SLC9A7: variants seen among roughly 807,000 people sequenced by gnomAD.
The protein encoded by SLC9A7 is sodium/hydrogen exchanger 7.
In SLC9A7, 19 loss-of-function variants were observed where a neutral mutation model predicts 52.6. The observed-to-expected ratio is 0.36, with a 90% CI of 0.25 to 0.53. SLC9A7 has a LOEUF of 0.53. Among genes scored for constraint, SLC9A7 ranks in the 20% least tolerant of loss-of-function variants. The pLI, the probability that SLC9A7 is intolerant of heterozygous loss-of-function variation, is 0.91. For synonymous variants in SLC9A7, 226 were observed against 252.1 expected (o/e 0.90, Z 0.98); for missense variants, 455 against 597.9 (o/e 0.76, Z 2.49).
intron 1 of SLC9A7, among the ~76,000 whole-genome samples, chrX:46,729,759 C>G (rs1173688180): frequency 9.1e-6 from 1 of 109,775 alleles, no homozygotes; most frequent in Non-Finnish European, 1.9e-5. Context: ...GGAGACAGAG[C>G]GAGACTCCAT....
chrX:46,697,045 C>T lies in SLC9A7; in HGVS notation c.326-14510G>A, dbSNP rs770631973. 3.6e-5 allele frequency among the ~76,000 whole-genome samples: 4 copies of T among 111,651 alleles called. No individual in the cohort carries two copies. The South Asian group carries it at 1.5e-3, about 43-fold the overall frequency. On this transcript the variant is annotated intron_variant, in intron 1 of 16. Coordinates refer to ENST00000616978, the MANE Select transcript of SLC9A7 (RefSeq NM_001257291.2). Reference sequence around the variant, plus strand: ...TCAGTAACCTCCTAACTGGTCGTGTCGATGGAGTGACTGTGGGAGATCATA... The same window carrying T: ...TCAGTAACCTCCTAACTGGTCGTGTTGATGGAGTGACTGTGGGAGATCATA...
chrX:46,635,494 G>T, intron 13 of SLC9A7, 95 bp downstream of exon 13: 1 of 703,728 alleles, frequency 1.4e-6, no homozygotes, highest in Non-Finnish European at 2.2e-6. Context: ...CACGCAGGAA[G>T]GAAGAGAAAA....
intron 1 of SLC9A7, among the ~76,000 whole-genome samples, chrX:46,697,381 G>A (rs896593102): frequency 8.9e-6 from 1 of 111,922 alleles, no homozygotes; most frequent in Non-Finnish European, 1.9e-5. Flanking sequence ...GTTATGTTGC[G>A]GGAAGTCAGG....
At chrX:46,621,148 G>A in intron 14 of SLC9A7, 89 bp from the exon 15 acceptor site, 1 of 495,769 alleles carries the variant, frequency 2.0e-6, no homozygotes, top group Non-Finnish European at 3.4e-6. Flanking sequence ...AACTTGTATA[G>A]CTCTGGAGCT....
chrX:46,629,806 G>A (rs899210992), intron 14 of SLC9A7, among the ~76,000 whole-genome samples: 1 of 111,477 alleles, frequency 9.0e-6, no homozygotes, highest in African/African-American at 3.3e-5. Flanking sequence ...TTTTCCCCTG[G>A]GGTTTTCTCA....
chrX:46,612,246 C>T (rs1942862778), intron 16 of SLC9A7, among the ~76,000 whole-genome samples: 1 of 112,032 alleles, frequency 8.9e-6, no homozygotes, highest in Non-Finnish European at 1.9e-5. Context: ...TTCTTTTCTT[C>T]TAGGGCATAA....
intron 12 of SLC9A7, among the ~76,000 whole-genome samples, chrX:46,641,001 T>A (rs1943398148): frequency 8.9e-6 from 1 of 112,614 alleles, no homozygotes; most frequent in Non-Finnish European, 1.9e-5. Flanking sequence ...TAAACACGTT[T>A]ACTATCCAAC....
At chrX:46,655,605 G>T (rs1203894403) in intron 7 of SLC9A7, among the ~76,000 whole-genome samples, 1 of 112,273 alleles carries the variant, frequency 8.9e-6, no homozygotes, top group Non-Finnish European at 1.9e-5. Flanking sequence ...AAAGAAAGGG[G>T]TGACAGACGG....
At chrX:46,660,977 T>C (rs2146811694) in intron 7 of SLC9A7, among the ~76,000 whole-genome samples, 1 of 109,416 alleles carries the variant, frequency 9.1e-6, no homozygotes, top group South Asian at 4.0e-4. Flanking sequence ...AACCCAAATG[T>C]CCAACAATGA....
rs1943034349 is a variant in SLC9A7, at chrX:46,620,854, G to T, written c.1823+123C>A. 5 of 484,353 alleles carry T rather than the reference G, an allele frequency of 1.0e-5. No homozygotes were observed. In the South Asian group the frequency reaches 1.7e-4, roughly 17 times the overall value. 39.9% of individuals were successfully genotyped at this position (484,353 alleles called of 1,213,427 possible). A position where few individuals can be genotyped will look rare whatever the true frequency, so the allele number is the denominator to read the frequency against. On this transcript the variant is annotated intron_variant, in intron 15 of 16. Transcript: ENST00000616978. ...GCTCAATGCACACGTTCCATAAGAG[G>T]ATGGGCTATCCCTGTCCCAAGCATG...
chrX:46,646,072 CTGTT>C (rs1382695445), intron 11 of SLC9A7, among the ~76,000 whole-genome samples: 1 of 111,482 alleles, frequency 9.0e-6, no homozygotes, highest in South Asian at 3.8e-4. Context: ...AGGGAGGAAA[CTGTT>C]TTTTTTTGTT....
intron 16 of SLC9A7, among the ~76,000 whole-genome samples, chrX:46,611,872 G>A (rs777332250): frequency 2.2e-4 from 24 of 111,609 alleles, no homozygotes; most frequent in Admixed American, 1.2e-3. Context: ...CCGCCCCAGC[G>A]CCCCCACCTA....
chrX:46,638,095 C>T (rs1332848631), intron 12 of SLC9A7, among the ~76,000 whole-genome samples: 1 of 111,634 alleles, frequency 9.0e-6, no homozygotes, highest in Non-Finnish European at 1.9e-5. Flanking sequence ...ATATCGAGGT[C>T]ACAGGGGTCA....
intron 1 of SLC9A7, among the ~76,000 whole-genome samples, chrX:46,692,068 G>T (rs1602236642): frequency 1.8e-5 from 2 of 111,353 alleles, no homozygotes; most frequent in East Asian, 5.6e-4. Context: ...AGGCCAAAAA[G>T]TAAGCAACCT....
intron 12 of SLC9A7, among the ~76,000 whole-genome samples, chrX:46,641,186 C>G (rs1282109116): frequency 8.9e-6 from 1 of 112,158 alleles, no homozygotes; most frequent in Non-Finnish European, 1.9e-5. Flanking sequence ...ACTAATTAGG[C>G]AGCAGGGACC....
intron 7 of SLC9A7, among the ~76,000 whole-genome samples, chrX:46,661,685 T>C (rs1943826176): frequency 8.9e-6 from 1 of 111,982 alleles, no homozygotes; most frequent in Non-Finnish European, 1.9e-5. Flanking sequence ...TCCCAGCCAG[T>C]AGTCCCTAAT....
intron 5 of SLC9A7, 46 bp from the exon 6 acceptor site, chrX:46,662,689 C>T: frequency 1.0e-6 from 1 of 965,916 alleles, no homozygotes; most frequent in Non-Finnish European, 1.5e-6. Flanking sequence ...GGTTTCTGAC[C>T]TTAAATCACT....
Position 46,759,002 on chromosome X carries a change from C to T in SLC9A7, c.28G>A (p.Gly10Ser). Residue 10 changes from glycine to serine, a missense_variant, in exon 1 of 17, where the codon GGC (glycine) becomes AGC (serine). Physicochemically the swap from Gly to Ser is moderately conservative, Grantham distance 56 (BLOSUM62 0). Transcript: ENST00000616978. The stretch of plus-strand genomic sequence containing the variant: ...GGCGCCCCGGTAGCCCGACCCGAGC[C>T]AGGGCGCGCCGCGTCACCAGGCTCC... MEPGDAARP[G>S]SGRATGAPPP... 1.0e-6 allele frequency: 1 copy of T among 975,248 alleles called. No individual in the cohort carries two copies. Among genetic ancestry groups the T allele is most frequent in the Non-Finnish European group, 1.3e-6 (1 of 782,513 alleles). The allele number at this position is 975,248 out of a possible 1,213,427, so 80.4% of individuals were successfully genotyped here.
intron 1 of SLC9A7, among the ~76,000 whole-genome samples, chrX:46,714,254 C>T (rs1333053404): frequency 9.0e-6 from 1 of 111,086 alleles, no homozygotes; most frequent in African/African-American, 3.3e-5. Flanking sequence ...GCCCTAAGAC[C>T]ACATAGCTGG....
Sources: allele counts gnomAD v4.1 joint callset (sites outside exome capture counted in the v4.1 genomes callset), GRCh38; gene constraint gnomAD v4.1.1; transcripts MANE v1.5; gene names NCBI Gene and HGNC (gene_info 2026-07-23, HGNC 2026-07-21).